The following SLCO1B1 variants were observed in gnomAD, a reference collection of about 807,000 sequenced individuals.
SLCO1B1 encodes the protein solute carrier organic anion transporter family member 1B1, also known as OATP-2.
SLCO1B1 carries 81 observed loss-of-function variants against 70.1 expected under a neutral mutation model. The ratio of observed to expected loss-of-function variants is 1.16; its 90% confidence interval spans 0.97 to 1.39. The LOEUF (loss-of-function observed/expected upper bound fraction) is 1.39. Among genes scored for constraint, SLCO1B1 ranks in the 40% most tolerant of loss-of-function variants. SLCO1B1 has a pLI of 0.00. For synonymous variants in SLCO1B1, 283 were observed against 271.5 expected, an observed-to-expected ratio of 1.04 and a Z score of -0.42; for missense variants, 895 against 799.6, an observed-to-expected ratio of 1.12 and a Z score of -1.44.
chr12:21,152,219 T>G (rs12580258), intron 2 of SLCO1B1, among the ~76,000 whole-genome samples: 5,823 of 152,110 alleles, frequency 0.038, 409 homozygotes, highest in East Asian at 0.32. Flanking sequence ...GTTGTGACAT[T>G]ATAATTTTTT....
At chr12:21,214,441 C>G (rs9669758) in intron 11 of SLCO1B1, among the ~76,000 whole-genome samples, 1 of 141,544 alleles carries the variant, frequency 7.1e-6, no homozygotes, top group African/African-American at 2.7e-5. Context: ...AGCTGCGTGC[C>G]GGGAGAACCA....
intron 1 of SLCO1B1, among the ~76,000 whole-genome samples, chr12:21,133,870 T>C (rs1940176741): frequency 6.6e-6 from 1 of 152,178 alleles, no homozygotes; most frequent in South Asian, 2.1e-4. Flanking sequence ...CAACATTATG[T>C]TGAATAGGAG....
intron 14 of SLCO1B1, among the ~76,000 whole-genome samples, chr12:21,225,426 T>A (rs1941472691): frequency 1.3e-5 from 2 of 151,328 alleles, no homozygotes. Context: ...TTTACCTCTT[T>A]AAAAAAAAAC....
intron 1 of SLCO1B1, among the ~76,000 whole-genome samples, chr12:21,141,123 T>C (rs114747546): frequency 0.014 from 2,107 of 152,046 alleles, 63 homozygotes; most frequent in African/African-American, 0.048. Flanking sequence ...AAGGGGCTAA[T>C]AGGCACATTT....
At chr12:21,238,956 T>C (rs576935260) in intron 14 of SLCO1B1, 23 bp from the exon 15 acceptor site, 1 of 1,417,982 alleles carries the variant, frequency 7.1e-7, no homozygotes, top group South Asian at 1.2e-5. Flanking sequence ...TGATTTATTG[T>C]TTTATTTTCT....
chr12:21,173,409 T>A (rs1490273496), intron 3 of SLCO1B1, among the ~76,000 whole-genome samples: 2 of 152,040 alleles, frequency 1.3e-5, no homozygotes, highest in Non-Finnish European at 2.9e-5. Context: ...CTCTTTAAAT[T>A]TTTTTCTTCT....
At chr12:21,157,530 C>T (rs995264391) in intron 2 of SLCO1B1, among the ~76,000 whole-genome samples, 1 of 151,084 alleles carries the variant, frequency 6.6e-6, no homozygotes, top group African/African-American at 2.4e-5. Flanking sequence ...ATCTTCTAAG[C>T]AATTGTACAA....
At chr12:21,174,546 C>T (rs1046339911) in intron 3 of SLCO1B1, 31 bp from the exon 4 acceptor site, 2 of 1,609,322 alleles carry the variant, frequency 1.2e-6, no homozygotes, top group Non-Finnish European at 1.7e-6. Flanking sequence ...TTGAACTAAG[C>T]TGTATCAACA....
intron 2 of SLCO1B1, among the ~76,000 whole-genome samples, chr12:21,148,761 A>C (rs551216815): frequency 6.6e-6 from 1 of 150,522 alleles, no homozygotes; most frequent in East Asian, 2.0e-4. Flanking sequence ...TCTGTGATGA[A>C]AGTCAATGGT....
rs766008495 is a variant in SLCO1B1, at chr12:21,222,583, A to G, written c.1747+219A>G. Among the ~76,000 whole-genome samples the G allele has an allele frequency of 4.6e-5, 7 of 151,638 alleles. No individual in the cohort carries two copies. In the South Asian group the frequency reaches 8.3e-4, roughly 18 times the overall value. ...ATAAGAGACAGAGTAAAATTGAGTG[A>G]TGGACCTAAAGGAGAATTCGATTGT... On this transcript the variant is annotated intron_variant, in intron 13 of 14. Transcript: ENST00000256958.
chr12:21,213,038 T>G (rs1941307716), intron 11 of SLCO1B1, among the ~76,000 whole-genome samples: 1 of 151,810 alleles, frequency 6.6e-6, no homozygotes. Flanking sequence ...TCTGTGTCTT[T>G]TAATTGGAGC....
At chr12:21,136,735 AT>A (rs1330716518) in intron 1 of SLCO1B1, among the ~76,000 whole-genome samples, 16 of 151,586 alleles carry the variant, frequency 1.1e-4, no homozygotes, top group Non-Finnish European at 1.9e-4. Flanking sequence ...CATTTGTCTG[AT>A]TTTTTTTCAA....
At chr12:21,204,077 T>C (rs921954616) in intron 10 of SLCO1B1, among the ~76,000 whole-genome samples, 5 of 152,014 alleles carry the variant, frequency 3.3e-5, no homozygotes, top group Non-Finnish European at 5.9e-5. Context: ...GGACTCATAA[T>C]CTAATGATAA....
intron 10 of SLCO1B1, among the ~76,000 whole-genome samples, chr12:21,204,953 G>C (rs1487287340): frequency 6.6e-6 from 1 of 151,408 alleles, no homozygotes; most frequent in African/African-American, 2.4e-5. Context: ...TATGAATTTG[G>C]GGGCCACAAA....
intron 1 of SLCO1B1, among the ~76,000 whole-genome samples, chr12:21,135,011 C>T (rs1325555779): frequency 6.6e-6 from 1 of 152,136 alleles, no homozygotes; most frequent in Non-Finnish European, 1.5e-5. Context: ...TTAAATGTGT[C>T]CCAGAGATTC....
intron 2 of SLCO1B1, among the ~76,000 whole-genome samples, chr12:21,150,404 A>G (rs1299525533): frequency 6.6e-6 from 1 of 152,070 alleles, no homozygotes; most frequent in Non-Finnish European, 1.5e-5. Flanking sequence ...ACTGGGAGAC[A>G]CCTCACAGCA....
intron 1 of SLCO1B1, among the ~76,000 whole-genome samples, chr12:21,136,108 A>G (rs1422840563): frequency 6.6e-6 from 1 of 152,162 alleles, no homozygotes; most frequent in South Asian, 2.1e-4. Flanking sequence ...TTGGCTGGAT[A>G]TGAAATTCTG....
At chr12:21,224,012 C>A (rs1305044340) in intron 13 of SLCO1B1, among the ~76,000 whole-genome samples, 2 of 152,134 alleles carry the variant, frequency 1.3e-5, no homozygotes, top group Non-Finnish European at 1.5e-5. Context: ...TCATTGTGAT[C>A]AGAACACTAA....
intron 7 of SLCO1B1, among the ~76,000 whole-genome samples, chr12:21,179,532 G>A (rs1178681940): frequency 6.6e-6 from 1 of 152,122 alleles, no homozygotes; most frequent in Admixed American, 6.6e-5. Flanking sequence ...AAGGAATAAA[G>A]CAGAGGACAC....
Sources: allele counts gnomAD v4.1 joint callset (sites outside exome capture counted in the v4.1 genomes callset), GRCh38; gene constraint gnomAD v4.1.1; transcripts MANE v1.5; gene names NCBI Gene and HGNC (gene_info 2026-07-23, HGNC 2026-07-21).